The following GPHN variants were observed in gnomAD, a reference collection of about 807,000 sequenced individuals.
The protein encoded by GPHN is gephyrin.
In GPHN, 17 loss-of-function variants were observed where a neutral mutation model predicts 95.5. The ratio of observed to expected loss-of-function variants is 0.18; its 90% CI spans 0.12 to 0.27. The LOEUF is 0.27. GPHN is among the 10% of genes least tolerant of loss of function. GPHN has a pLI of 1.00. For synonymous variants in GPHN, 320 were observed against 322.5 expected (o/e 0.99, Z 0.08); for missense variants, 660 against 978.1 (o/e 0.67, Z 4.34).
chr14:67,698,232 T>A, the GPHN span, among the ~76,000 whole-genome samples: 6 of 152,366 alleles, frequency 3.9e-5, no homozygotes, highest in African/African-American at 1.4e-4. Context: ...ATATAAAATT[T>A]GCATATAATT....
chr14:66,897,439 A>C (rs897983286), intron 5 of GPHN, among the ~76,000 whole-genome samples: 9 of 151,984 alleles, frequency 5.9e-5, no homozygotes, highest in African/African-American at 2.2e-4. Flanking sequence ...TGGCTGTACT[A>C]TTGCTTTTCT....
chr14:67,301,345 C>T, the GPHN span: 1 of 1,390,640 alleles, frequency 7.2e-7, no homozygotes, highest in African/African-American at 1.4e-5. Flanking sequence ...GCTACTGATA[C>T]TTCCTATAAT....
At chr14:66,658,893 T>A (rs546995350) in intron 1 of GPHN, among the ~76,000 whole-genome samples, 1 of 152,112 alleles carries the variant, frequency 6.6e-6, no homozygotes, top group African/African-American at 2.4e-5. Context: ...CTTTTTTTTT[T>A]TAAGATCCAG....
Position 66,929,957 on chromosome 14 carries a change from C to T in GPHN, c.828+5665C>T, listed in dbSNP as rs150854623. 7.1e-3 allele frequency among the ~76,000 whole-genome samples: 1,078 copies of T among 152,112 alleles called. 5 individuals carry two copies. The highest frequency in any genetic ancestry group is 0.025 in the African/African-American group (1,028 of 41,500). ...CGATCTCCTGACCACATGATCCGCC[C>T]GCCTCGGCCTCCCAAAGTCCTGGGA... On this transcript the variant is annotated intron_variant, in intron 8 of 22. Coordinates refer to ENST00000478722, the MANE Select transcript of GPHN (RefSeq NM_020806.5).
chr14:67,390,550 C>A, the GPHN span: 2 of 746,764 alleles, frequency 2.7e-6, no homozygotes, highest in Non-Finnish European at 4.8e-6. Flanking sequence ...GCAGACTTTA[C>A]GGCGGGTGCC....
chr14:67,590,142 C>A, the GPHN span: 1 of 1,551,054 alleles, frequency 6.4e-7, no homozygotes, highest in Non-Finnish European at 8.7e-7. Flanking sequence ...CTGTATACTT[C>A]AATCAAGCAG....
chr14:67,578,689 AAG>A, the GPHN span: 1 of 1,109,070 alleles, frequency 9.0e-7, no homozygotes. This position sits in a 1 kb window ranked among gnomAD's most constrained non-coding sequence, Gnocchi z 5.0. Context: ...CCGCATGAAT[AAG>A]AGGGATGAGA....
the GPHN span, among the ~76,000 whole-genome samples, chr14:67,664,622 G>A: frequency 1.2e-4 from 18 of 151,448 alleles, no homozygotes; most frequent in East Asian, 1.4e-3. Flanking sequence ...TCAGCCTCCC[G>A]AGCAGCTGGG....
chr14:66,920,845 G>A (rs575373470), intron 6 of GPHN, among the ~76,000 whole-genome samples: 7 of 152,126 alleles, frequency 4.6e-5, no homozygotes, highest in African/African-American at 9.6e-5. Flanking sequence ...GAAAACATAC[G>A]ATGTTTGGTT....
the GPHN span, among the ~76,000 whole-genome samples, chr14:67,622,650 T>G: frequency 1.3e-5 from 2 of 152,218 alleles, no homozygotes; most frequent in African/African-American, 4.8e-5. Context: ...TAAAATAGCT[T>G]GTACACACTG....
At chr14:67,556,042 G>A in the GPHN span, among the ~76,000 whole-genome samples, 1 of 152,218 alleles carries the variant, frequency 6.6e-6, no homozygotes, top group Non-Finnish European at 1.5e-5. Flanking sequence ...TGGGAGTAGA[G>A]TCTCTGGGTA....
chr14:66,982,184 A>G (rs1291400552), intron 9 of GPHN, among the ~76,000 whole-genome samples: 1 of 152,132 alleles, frequency 6.6e-6, no homozygotes, highest in Non-Finnish European at 1.5e-5. Context: ...ATTTTTGGCA[A>G]GAGAAGTGAG....
At chr14:67,198,544 C>T in the GPHN span, among the ~76,000 whole-genome samples, 1 of 152,254 alleles carries the variant, frequency 6.6e-6, no homozygotes, top group African/African-American at 2.4e-5. Flanking sequence ...TCTGTCTTAA[C>T]TCTACCATAA....
At chr14:67,079,185 G>T (rs2076600050) in intron 11 of GPHN, among the ~76,000 whole-genome samples, 1 of 151,498 alleles carries the variant, frequency 6.6e-6, no homozygotes, top group Non-Finnish European at 1.5e-5. Context: ...AACAACTCTT[G>T]TACTTGCCTT....
chr14:67,273,261 C>A, the GPHN span, among the ~76,000 whole-genome samples: 2 of 151,550 alleles, frequency 1.3e-5, no homozygotes, highest in African/African-American at 4.9e-5. Context: ...TGCTATCGCT[C>A]CCCCCTCCCA....
At chr14:67,202,721 A>C in the GPHN span, among the ~76,000 whole-genome samples, 1 of 152,178 alleles carries the variant, frequency 6.6e-6, no homozygotes, top group African/African-American at 2.4e-5. Context: ...TTATGTGTAA[A>C]TGTGTGTACC....
chr14:67,642,240 A>T, the GPHN span: 1 of 1,614,112 alleles, frequency 6.2e-7, no homozygotes, highest in Non-Finnish European at 8.5e-7. Flanking sequence ...CCCAAAGATG[A>T]TCTCTACAAC....
At chr14:67,126,582 G>A (rs541940535) in intron 17 of GPHN, among the ~76,000 whole-genome samples, 165 of 152,304 alleles carry the variant, frequency 1.1e-3, no homozygotes, top group African/African-American at 3.8e-3. Flanking sequence ...CAGGTAAATT[G>A]AGTAGAAATT....
chr14:67,573,743 A>G, the GPHN span: 1 of 1,077,684 alleles, frequency 9.3e-7, no homozygotes, highest in Non-Finnish European at 1.4e-6. The surrounding 1 kb of genome is among the most constrained non-coding windows in gnomAD (Gnocchi z 4.8). Context: ...AGGGTAAATG[A>G]GGTGCTCCGG....
Sources: gnomAD v4.1 joint callset for allele counts (sites outside exome capture counted in the v4.1 genomes callset) on GRCh38, gnomAD v4.1.1 for gene constraint, Gnocchi (gnomAD v3.1) non-coding constraint, MANE v1.5 for transcripts, NCBI Gene and HGNC (gene_info 2026-07-23, HGNC 2026-07-21) for gene names.